FKBP10: variants seen among roughly 807,000 people sequenced by gnomAD.
The protein encoded by FKBP10 is peptidyl-prolyl cis-trans isomerase FKBP10.
Under a neutral mutation model 53.7 loss-of-function variants are expected in FKBP10, and 34 were observed. That is an observed-to-expected ratio of 0.63 (90% CI 0.48 to 0.84). The LOEUF is 0.84. Ranked by LOEUF, FKBP10 falls within the 40% of genes least tolerant of loss-of-function variation. The pLI, the probability that FKBP10 is intolerant of heterozygous loss-of-function variation, is 0.00. For synonymous variants in FKBP10, 324 were observed against 335.7 expected, an observed-to-expected ratio of 0.97 and a Z score of 0.38; for missense variants, 748 against 797.8, an observed-to-expected ratio of 0.94 and a Z score of 0.75.
rs1347443475 is a variant in FKBP10 at position 41,813,122 on chromosome 17, G to A, written c.88G>A (p.Gly30Arg). The A allele has an allele frequency of 1.2e-6, 2 of 1,611,454 alleles. No homozygotes were observed. Among genetic ancestry groups the A allele is most frequent in the Non-Finnish European group, 1.7e-6 (2 of 1,179,688 alleles). ...ACTGGTGGTGCAGGCCGTGGGGAGG[G>A]GGCTGGGCCGCGCCAGCCCGGCCGG... ...LLLVVQAVGRGLGRASPAGGP... is the reference protein window; with the variant it reads ...LLLVVQAVGRRLGRASPAGGP... The change falls in exon 1 of 10, where the codon GGG (glycine) becomes AGG (arginine). Residue 30 changes from glycine (G) to arginine (R), a missense_variant. Coordinates refer to ENST00000321562, the MANE Select transcript of FKBP10 (RefSeq NM_021939.4).
chr17:41,820,586 T>C (rs1555616909), intron 7 of FKBP10, 125 bp downstream of exon 7: 2 of 968,588 alleles, frequency 2.1e-6, no homozygotes, highest in Non-Finnish European at 3.2e-6. Context: ...GCATTCAACC[T>C]CTTGCTGCTT....
At chr17:41,816,912 G>A in intron 1 of FKBP10, 146 bp from the exon 2 acceptor site, 3 of 1,193,766 alleles carry the variant, frequency 2.5e-6, no homozygotes, top group Non-Finnish European at 3.6e-6. Context: ...TGAAAAGGAG[G>A]TGAGAAGTGT....
At position 41,820,935 on chromosome 17, in the gene FKBP10, G is replaced by T. The variant is rs1555616935; in HGVS notation, c.1257-12G>T. ...AGGGTGGCTGCTGACCTGGGCATCT[G>T]CTCTCCCCCAGGCATGACTACGGGG... On this transcript the variant is annotated splice_polypyrimidine_tract_variant and intron_variant, in intron 7 of 9. Coordinates refer to ENST00000321562, the MANE Select transcript of FKBP10 (RefSeq NM_021939.4). The T allele has an allele frequency of 6.2e-7, 1 of 1,610,552 alleles. No individual in the cohort carries two copies. Among genetic ancestry groups the T allele is most frequent in the East Asian group, 2.2e-5 (1 of 44,782 alleles).
chr17:41,820,306 C>T lies in FKBP10; in HGVS notation c.1101C>T (p.Asn367=), dbSNP rs782453718. The T allele has an allele frequency of 6.8e-6, 11 of 1,614,080 alleles. No homozygotes were observed. The highest frequency in any genetic ancestry group is 4.5e-5 in the East Asian group (2 of 44,894). The change falls in exon 7 of 10, where the codon AAC becomes AAT. Residue 367 remains asparagine, a synonymous_variant. Coordinates refer to ENST00000321562, the MANE Select transcript of FKBP10 (RefSeq NM_021939.4). The part of the protein sequence containing the change: ...KIPGSAVLIF[N]VHVIDFHNPA... ...CTGGCTCTGCCGTGCTAATCTTCAA[C>T]GTCCATGTCATTGACTTCCACAACC...
rs1218718532 is a variant in FKBP10 at position 41,823,211 on chromosome 17, C to T, written c.*803C>T. The T allele has an allele frequency of 6.6e-6, 1 of 152,512 alleles. No individual in the cohort carries two copies. The highest frequency in any genetic ancestry group is 1.9e-4 in the East Asian group (1 of 5,186). 9.4% of individuals were successfully genotyped at this position (152,512 alleles called of 1,614,324 possible). ...CTTTGTTCCAAATAAAAGATTAAAC[C>T]AATGGCCTTAGGGTGTCTTTTGGAC... On this transcript the variant is annotated 3_prime_UTR_variant, in exon 10 of 10. Transcript: ENST00000321562.
intron 7 of FKBP10, 181 bp from the exon 8 acceptor site, chr17:41,820,766 A>T: frequency 1.2e-6 from 1 of 858,682 alleles, no homozygotes; most frequent in Non-Finnish European, 1.7e-6. Context: ...GGGCAGAGGC[A>T]AGATGAGAAG....
At position 41,822,778 on chromosome 17, in the gene FKBP10, T is replaced by C; in HGVS notation, c.*370T>C. On this transcript the variant is annotated 3_prime_UTR_variant, in exon 10 of 10. Coordinates refer to ENST00000321562, the MANE Select transcript of FKBP10 (RefSeq NM_021939.4). The stretch of plus-strand genomic sequence containing the variant: ...CATCTCCCCAAACTTTCTCTTTCTT[T>C]GTACTTCTTGTCATCCCCACTCCCA... 1 of 359,322 alleles carries C rather than the reference T, an allele frequency of 2.8e-6. No individual in the cohort carries two copies. The highest frequency in any genetic ancestry group is 2.3e-5 in the South Asian group (1 of 43,388). The allele number at this position is 359,322 out of a possible 1,614,324, so 22.3% of individuals were successfully genotyped here. A position where few individuals can be genotyped will look rare whatever the true frequency, so the allele number is the denominator to read the frequency against.
intron 9 of FKBP10, 90 bp from the exon 10 acceptor site, chr17:41,822,133 G>T: frequency 7.8e-7 from 1 of 1,285,970 alleles, no homozygotes; most frequent in East Asian, 2.5e-5. Flanking sequence ...AGAAGAAAAA[G>T]AAAGCACTCA....
intron 2 of FKBP10, 131 bp from the exon 3 acceptor site, chr17:41,817,958 T>A: frequency 2.8e-5 from 25 of 897,966 alleles, no homozygotes; most frequent in Admixed American, 1.6e-4. Context: ...AAAACAAAAA[T>A]AGTGGCATCT....
intron 1 of FKBP10, among the ~76,000 whole-genome samples, chr17:41,815,159 A>G (rs560675204): frequency 2.0e-4 from 31 of 152,246 alleles, no homozygotes; most frequent in African/African-American, 6.7e-4. Flanking sequence ...GGTGGGTATT[A>G]TAAGAAGACA....
At chr17:41,820,499 G>A (rs1555616885) in intron 7 of FKBP10, 38 bp downstream of exon 7, 2 of 1,608,014 alleles carry the variant, frequency 1.2e-6, no homozygotes, top group South Asian at 2.2e-5. Flanking sequence ...GCAGGTGGGT[G>A]GGCACAGGCA....
At chr17:41,821,595 G>A (rs1385810364) in intron 8 of FKBP10, 59 bp from the exon 9 acceptor site, 33 of 1,599,350 alleles carry the variant, frequency 2.1e-5, no homozygotes, top group Non-Finnish European at 2.6e-5. Flanking sequence ...AAACAGTGAA[G>A]CCAGGCCCAG....
At chr17:41,820,566 C>T (rs1461131399) in intron 7 of FKBP10, 105 bp downstream of exon 7, 24 of 1,202,164 alleles carry the variant, frequency 2.0e-5, no homozygotes, top group South Asian at 3.8e-5. Context: ...GGTCCTCGAG[C>T]GCCAGGGGAG....
chr17:41,814,798 G>C lies in FKBP10; in HGVS notation c.245+1519G>C, dbSNP rs554390843. Among the ~76,000 whole-genome samples the C allele has an allele frequency of 1.9e-3, 283 of 152,288 alleles. 2 individuals carry two copies. The highest frequency in any genetic ancestry group is 3.4e-3 in the Non-Finnish European group (230 of 68,036). ...CTGTCGCCCAGGCTGGAGTGCAGTG[G>C]TGCCATCTCAGCTCACTGCAACCTC... On this transcript the variant is annotated intron_variant, in intron 1 of 9. Transcript: ENST00000321562.
In FKBP10 at chr17:41,815,129, G is replaced by T. The variant is rs148025678; in HGVS notation, c.245+1850G>T. 7.2e-5 allele frequency among the ~76,000 whole-genome samples: 11 copies of T among 152,230 alleles called. No homozygotes were observed. In the East Asian group the frequency reaches 1.9e-3, roughly 27 times the overall value. On this transcript the variant is annotated intron_variant, in intron 1 of 9. Coordinates refer to ENST00000321562, the MANE Select transcript of FKBP10 (RefSeq NM_021939.4). ...GAGAGGGGTTTCACTATGTTGGCCAGACTGGTCTTGAAAAAGGCGGGTGGG... is the reference window on the plus strand; with the variant it reads ...GAGAGGGGTTTCACTATGTTGGCCATACTGGTCTTGAAAAAGGCGGGTGGG...
At chr17:41,819,482 G>T (rs1555616610) in intron 5 of FKBP10, 48 bp from the exon 6 acceptor site, 6 of 1,613,944 alleles carry the variant, frequency 3.7e-6, no homozygotes, top group Non-Finnish European at 5.1e-6. Flanking sequence ...GCCTGGAAGG[G>T]GAGGGCCCCT....
At position 41,813,112 on chromosome 17, in the gene FKBP10, C is replaced by T; in HGVS notation, c.78C>T (p.Ala26=). The T allele has an allele frequency of 1.9e-6, 3 of 1,611,294 alleles. No individual in the cohort carries two copies. Among genetic ancestry groups the T allele is most frequent in the Non-Finnish European group, 2.5e-6 (3 of 1,179,674 alleles). Residue 26 remains alanine (A), a synonymous_variant, in exon 1 of 10, where the codon GCC becomes GCT. Transcript: ENST00000321562. ...LLQLLLLVVQ[A]VGRGLGRASP... ...AGTTGCTGCTACTGGTGGTGCAGGC[C>T]GTGGGGAGGGGGCTGGGCCGCGCCA...
In FKBP10 at chr17:41,820,481, G is replaced by A. The variant is rs201914085; in HGVS notation, c.1256+20G>A. 1,563 of 1,612,236 alleles carry A rather than the reference G, an allele frequency of 9.7e-4. No homozygotes were observed. Among genetic ancestry groups the A allele is most frequent in the Non-Finnish European group, 1.1e-3 (1,251 of 1,179,576 alleles). On this transcript the variant is annotated intron_variant, in intron 7 of 9. Transcript: ENST00000321562. ...CACCTCGTGGGTCCGGGGGGGGGCC[G>A]GGACTGGGCAGGTGGGTGGGCACAG...
rs57675240 is a variant in FKBP10, at chr17:41,815,470, CT to C, written c.246-1575del. Among the ~76,000 whole-genome samples, 257 of 141,504 alleles carry C rather than the reference CT, an allele frequency of 1.8e-3. 2 individuals are homozygous for C. Among genetic ancestry groups the C allele is most frequent in the Middle Eastern group, 4.2e-3 (1 of 240 alleles). 92.8% of individuals were successfully genotyped at this position (141,504 alleles called of 152,430 possible). On this transcript the variant is annotated intron_variant, in intron 1 of 9. Coordinates refer to ENST00000321562, the MANE Select transcript of FKBP10 (RefSeq NM_021939.4). ...CCCCGCGCCCACACAACTTAGAAAA[CT>C]TTTTTTTTTTTTGAGACAGAGTCTT... is the stretch of plus-strand genomic sequence containing the variant.
Sources: gnomAD v4.1 joint callset for allele counts (sites outside exome capture counted in the v4.1 genomes callset) on GRCh38, gnomAD v4.1.1 for gene constraint, MANE v1.5 for transcripts, NCBI Gene and HGNC (gene_info 2026-07-23, HGNC 2026-07-21) for gene names.